The following TNS1 variants were observed in gnomAD, a reference collection of about 807,000 sequenced individuals.
The protein encoded by TNS1 is tensin-1.
TNS1 carries 62 observed loss-of-function variants against 168.6 expected under a neutral mutation model. The ratio of observed to expected loss-of-function variants is 0.37; its 90% CI spans 0.30 to 0.45. The LOEUF (loss-of-function observed/expected upper bound fraction) is 0.45. TNS1 is among the 20% of genes least tolerant of loss of function. The pLI, the probability that TNS1 is intolerant of heterozygous loss-of-function variation, is 1.00. For synonymous variants in TNS1, 934 were observed against 933.2 expected (o/e 1.00, Z -0.02); for missense variants, 2,240 against 2,339.4 (o/e 0.96, Z 0.88).
At chr2:218,016,715 A>C (rs1298840882) in intron 1 of TNS1, among the ~76,000 whole-genome samples, 3 of 152,194 alleles carry the variant, frequency 2.0e-5, no homozygotes, top group African/African-American at 7.2e-5. Flanking sequence ...GGACCCCCCC[A>C]GAAAGACAAT....
chr2:218,027,276 C>T (rs1437065622), intron 1 of TNS1, among the ~76,000 whole-genome samples: 2 of 152,056 alleles, frequency 1.3e-5, no homozygotes, highest in Non-Finnish European at 2.9e-5. Context: ...CCACGGCCTA[C>T]ACGATAAGTG....
intron 3 of TNS1, among the ~76,000 whole-genome samples, chr2:217,920,563 A>ATTTTTTT (rs35026780): frequency 1.7e-4 from 23 of 135,940 alleles, no homozygotes; most frequent in African/African-American, 5.1e-4. Flanking sequence ...AAGAAGAAGG[A>ATTTTTTT]TTTTTTTTTT....
At position 217,948,151 on chromosome 2, in the gene TNS1, T is replaced by C. The variant is rs953956360; in HGVS notation, c.187-27915A>G. On this transcript the variant is annotated intron_variant, in intron 3 of 32. Transcript: ENST00000682258. The surrounding 1 kb of genome is among the most constrained non-coding windows in gnomAD (Gnocchi z 4.1). ...CACTCAAGGAGCCAGACTCTCAGGT[T>C]CTTACAGCACTAAGGTGAAGTTCCT... Among the ~76,000 whole-genome samples the C allele has an allele frequency of 6.6e-6, 1 of 152,212 alleles. No individual in the cohort carries two copies. The highest frequency in any genetic ancestry group is 1.5e-5 in the Non-Finnish European group (1 of 68,040).
chr2:218,001,253 T>A (rs918637850), intron 1 of TNS1, among the ~76,000 whole-genome samples: 2 of 151,786 alleles, frequency 1.3e-5, no homozygotes, highest in Non-Finnish European at 2.9e-5. Flanking sequence ...TCAGGGAGGG[T>A]ATAACACCCA....
chr2:217,869,041 G>T (rs185155401), intron 18 of TNS1, among the ~76,000 whole-genome samples: 1 of 152,334 alleles, frequency 6.6e-6, no homozygotes, highest in East Asian at 1.9e-4. Flanking sequence ...AGTAGAGGGA[G>T]GGTTATCAAA....
Position 217,812,364 on chromosome 2 carries a change from C to T in TNS1, c.5032+4G>A. The T allele has an allele frequency of 6.2e-7, 1 of 1,613,684 alleles. No individual in the cohort carries two copies. ...GTGGTGAGCCAGGAGTCTCACGTTC[C>T]TACCTCGGTTTGGAATGACCAGCTT... On this transcript the variant is annotated splice_donor_region_variant and intron_variant, in intron 28 of 32. Transcript: ENST00000682258.
intron 3 of TNS1, among the ~76,000 whole-genome samples, chr2:217,965,698 C>T (rs1209358882): frequency 2.6e-5 from 4 of 152,232 alleles, no homozygotes; most frequent in African/African-American, 9.6e-5. Context: ...GCCAGGCTCA[C>T]CACACCCCGG....
At chr2:217,910,406 C>T (rs115170429) in intron 4 of TNS1, among the ~76,000 whole-genome samples, 54 of 152,196 alleles carry the variant, frequency 3.5e-4, no homozygotes, top group African/African-American at 1.2e-3. Context: ...GCATGCTGCC[C>T]GACCCTCCTC....
intron 3 of TNS1, among the ~76,000 whole-genome samples, chr2:217,933,632 G>A (rs1049830393): frequency 6.6e-6 from 1 of 152,134 alleles, no homozygotes; most frequent in Non-Finnish European, 1.5e-5. Context: ...GAGATGGGGG[G>A]AACAAGAGCA....
chr2:217,846,470 G>A (rs1226805651), intron 19 of TNS1, among the ~76,000 whole-genome samples: 2 of 152,130 alleles, frequency 1.3e-5, no homozygotes, highest in Non-Finnish European at 2.9e-5. Flanking sequence ...AGGAAAAGGG[G>A]TGGAGGACAG....
At chr2:217,931,418 T>G (rs1156848296) in intron 3 of TNS1, among the ~76,000 whole-genome samples, 1 of 152,208 alleles carries the variant, frequency 6.6e-6, no homozygotes, top group Non-Finnish European at 1.5e-5. Context: ...GCCAAAGGTC[T>G]CAGGCAGTGC....
intron 19 of TNS1, among the ~76,000 whole-genome samples, chr2:217,845,903 C>A (rs1469829190): frequency 6.6e-6 from 1 of 152,136 alleles, no homozygotes; most frequent in Non-Finnish European, 1.5e-5. Context: ...CCTCATTAGA[C>A]TAGCGTGTCA....
intron 18 of TNS1, among the ~76,000 whole-genome samples, chr2:217,858,011 T>C (rs1948360075): frequency 6.6e-6 from 1 of 152,110 alleles, no homozygotes; most frequent in East Asian, 1.9e-4. Context: ...AAGCCGTGAA[T>C]GGGAGCCCAC....
At chr2:217,910,185 G>A (rs732660) in intron 4 of TNS1, among the ~76,000 whole-genome samples, 14,286 of 152,106 alleles carry the variant, frequency 0.094, 1,714 homozygotes, top group African/African-American at 0.28. Flanking sequence ...TTCTCCTCCT[G>A]CCAGTGATCA....
Position 217,804,154 on chromosome 2 carries a change from AG to A in TNS1, c.*304del, listed in dbSNP as rs1364761316. On this transcript the variant is annotated 3_prime_UTR_variant, in exon 33 of 33. Coordinates refer to ENST00000682258, the MANE Select transcript of TNS1 (RefSeq NM_001387777.1). The stretch of plus-strand genomic sequence containing the variant: ...CTCTTTTGAGGACATCCATCTTCTT[AG>A]GGGAGGGAGGGGGTGTTAGGTGGAC... The A allele has an allele frequency of 1.4e-5, 4 of 290,508 alleles. No individual in the cohort carries two copies. The highest frequency in any genetic ancestry group is 4.4e-5 in the African/African-American group (2 of 45,678). 18.0% of individuals were successfully genotyped at this position (290,508 alleles called of 1,614,324 possible). A position where few individuals can be genotyped will look rare whatever the true frequency, so the allele number is the denominator to read the frequency against.
chr2:217,895,778 A>C (rs1334295465), intron 8 of TNS1, among the ~76,000 whole-genome samples: 1 of 152,042 alleles, frequency 6.6e-6, no homozygotes, highest in Non-Finnish European at 1.5e-5. Context: ...TCTACCTCCG[A>C]GGGGGGCATG....
chr2:218,031,759 G>C (rs1249181142), intron 1 of TNS1, among the ~76,000 whole-genome samples: 1 of 152,166 alleles, frequency 6.6e-6, no homozygotes, highest in African/African-American at 2.4e-5. Context: ...CCAGATCCTA[G>C]AACTTCCAAA....
intron 1 of TNS1, among the ~76,000 whole-genome samples, chr2:218,018,037 G>A (rs1045810439): frequency 2.6e-5 from 4 of 152,170 alleles, no homozygotes; most frequent in Non-Finnish European, 5.9e-5. Context: ...CTAGAGGAGA[G>A]GTAGAATGGA....
intron 18 of TNS1, among the ~76,000 whole-genome samples, chr2:217,864,158 T>G (rs949106833): frequency 1.3e-5 from 2 of 152,164 alleles, no homozygotes; most frequent in Non-Finnish European, 2.9e-5. Flanking sequence ...TTGTGTTGGA[T>G]GAGGGTCGGG....
Sources: allele counts gnomAD v4.1 joint callset (sites outside exome capture counted in the v4.1 genomes callset), GRCh38; gene constraint gnomAD v4.1.1; non-coding constraint Gnocchi (gnomAD v3.1); transcripts MANE v1.5; gene names NCBI Gene and HGNC (gene_info 2026-07-23, HGNC 2026-07-21).